SEMA3A: variants seen among roughly 807,000 people sequenced by gnomAD.
The protein encoded by SEMA3A is semaphorin 3A, also known as semaphorin-3A.
A neutral mutation model predicts 97.9 loss-of-function variants in SEMA3A; 29 were observed. That is an observed-to-expected ratio of 0.30 (90% CI 0.22 to 0.40). SEMA3A has a LOEUF of 0.40. Among genes scored for constraint, SEMA3A ranks in the 10% least tolerant of loss-of-function variants. The pLI is 1.00. For synonymous variants in SEMA3A, 321 were observed against 323.7 expected (o/e 0.99, Z 0.09); for missense variants, 763 against 951.3 (o/e 0.80, Z 2.60).
chr7:84,019,738 T>A (rs756392161), intron 6 of SEMA3A, among the ~76,000 whole-genome samples: 1 of 148,946 alleles, frequency 6.7e-6, no homozygotes, highest in Non-Finnish European at 1.5e-5. Context: ...ATAAAAAAAA[T>A]AGATTTGTAT....
chr7:84,266,721 T>G (rs940876048), intron 3 of SEMA3A, among the ~76,000 whole-genome samples: 7 of 152,128 alleles, frequency 4.6e-5, no homozygotes, highest in Non-Finnish European at 7.4e-5. Context: ...ATGAATTAGC[T>G]GAGGTTTGGA....
At chr7:84,111,197 T>C (rs2115943420) in intron 3 of SEMA3A, among the ~76,000 whole-genome samples, 2 of 152,284 alleles carry the variant, frequency 1.3e-5, no homozygotes, top group South Asian at 4.1e-4. Context: ...CTATAAACAT[T>C]TGGAATTAAG....
At chr7:84,289,505 T>TA (rs962905489) in intron 3 of SEMA3A, among the ~76,000 whole-genome samples, 1 of 151,706 alleles carries the variant, frequency 6.6e-6, no homozygotes, top group East Asian at 1.9e-4. Context: ...TTATTATCAA[T>TA]AAAAAATTAA....
chr7:84,189,960 G>C (rs1314633147), intron 1 of SEMA3A, among the ~76,000 whole-genome samples: 1 of 151,464 alleles, frequency 6.6e-6, no homozygotes, highest in Non-Finnish European at 1.5e-5. Flanking sequence ...ACTGACAATA[G>C]TAGAACTCTA....
intron 4 of SEMA3A, among the ~76,000 whole-genome samples, chr7:84,093,980 A>G (rs1794671240): frequency 6.6e-6 from 1 of 151,882 alleles, no homozygotes; most frequent in Admixed American, 6.6e-5. Context: ...ACCAAAGGCC[A>G]ATTTCTACAA....
chr7:84,165,183 G>C (rs111959904), intron 1 of SEMA3A, among the ~76,000 whole-genome samples: 6,557 of 151,802 alleles, frequency 0.043, 212 homozygotes, highest in Non-Finnish European at 0.061. Flanking sequence ...CTCCCGCCTG[G>C]GTGTCAGAGT....
intron 12 of SEMA3A, among the ~76,000 whole-genome samples, chr7:83,996,360 T>A (rs922162325): frequency 6.9e-6 from 1 of 145,716 alleles, no homozygotes; most frequent in Non-Finnish European, 1.5e-5. Context: ...TGGAGTGCAG[T>A]GGTGTGATCT....
At chr7:84,085,037 A>C (rs966253131) in intron 4 of SEMA3A, among the ~76,000 whole-genome samples, 20 of 151,972 alleles carry the variant, frequency 1.3e-4, no homozygotes, top group Admixed American at 1.1e-3. Flanking sequence ...CCTTGAACAA[A>C]ATAAGGTAGG....
intron 1 of SEMA3A, among the ~76,000 whole-genome samples, chr7:84,374,911 C>T (rs1367704733): frequency 6.6e-6 from 1 of 152,182 alleles, no homozygotes; most frequent in Admixed American, 6.5e-5. Context: ...TGTGACAGAA[C>T]CCTGTGCACT....
intron 2 of SEMA3A, among the ~76,000 whole-genome samples, chr7:84,130,438 T>C (rs1795929701): frequency 6.6e-6 from 1 of 152,124 alleles, no homozygotes; most frequent in East Asian, 1.9e-4. Flanking sequence ...AATTATTGGA[T>C]AGGCATTCAT....
At chr7:84,251,309 C>T (rs979433084) in intron 3 of SEMA3A, among the ~76,000 whole-genome samples, 2 of 152,108 alleles carry the variant, frequency 1.3e-5, no homozygotes, top group Non-Finnish European at 2.9e-5. Context: ...ATCAAGAGAG[C>T]AGCTGGGCTG....
intron 1 of SEMA3A, among the ~76,000 whole-genome samples, chr7:84,416,539 G>A (rs534712202): frequency 9.9e-5 from 15 of 152,116 alleles, no homozygotes; most frequent in Non-Finnish European, 2.1e-4. Context: ...GGGCATTTAC[G>A]AGCTCATTTT....
intron 2 of SEMA3A, among the ~76,000 whole-genome samples, chr7:84,346,015 C>T (rs955647440): frequency 2.6e-5 from 4 of 152,346 alleles, no homozygotes; most frequent in East Asian, 1.9e-4. Flanking sequence ...TTACCTTTGT[C>T]AGTGATCTTA....
intron 1 of SEMA3A, among the ~76,000 whole-genome samples, chr7:84,455,456 T>A (rs945923043): frequency 6.6e-6 from 1 of 151,986 alleles, no homozygotes; most frequent in East Asian, 1.9e-4. Flanking sequence ...GTTCAATATA[T>A]GTTTGATTAA....
chr7:84,289,669 G>A (rs941257102), intron 3 of SEMA3A, among the ~76,000 whole-genome samples: 1 of 152,084 alleles, frequency 6.6e-6, no homozygotes, highest in Non-Finnish European at 1.5e-5. Flanking sequence ...CATGTTGCTG[G>A]TGAGAATGTA....
At chr7:84,291,457 C>T (rs1330802582) in intron 3 of SEMA3A, among the ~76,000 whole-genome samples, 2 of 151,930 alleles carry the variant, frequency 1.3e-5, no homozygotes, top group Non-Finnish European at 2.9e-5. Context: ...ATTTATTTTA[C>T]TGAATTCCTT....
Position 84,110,574 on chromosome 7 carries a change from A to C in SEMA3A, c.349T>G (p.Phe117Val). ...TTATATGCCTTAAGTACCTTGATGA[A>C]ATTAGCACATTCTTTCTGTAAGACA... ...GKDILKECAN[F>V]IKVLKAYNQT... Residue 117 changes from phenylalanine (F) to valine (V), a missense_variant, in exon 4 of 17, where the codon TTC becomes GTC. Phe to Val is a conservative substitution (Grantham distance 50). Coordinates refer to ENST00000265362, the MANE Select transcript of SEMA3A (RefSeq NM_006080.3). 6.2e-7 allele frequency: 1 copy of C among 1,613,656 alleles called. No homozygotes were observed. Among genetic ancestry groups the C allele is most frequent in the Non-Finnish European group, 8.5e-7 (1 of 1,179,762 alleles).
chr7:84,340,396 T>C (rs75021682), intron 2 of SEMA3A, among the ~76,000 whole-genome samples: 2,465 of 152,254 alleles, frequency 0.016, 93 homozygotes, highest in East Asian at 0.15. Context: ...TTTATCTAGA[T>C]GGATATAGAT....
chr7:84,381,879 A>T (rs1486498120), intron 1 of SEMA3A, among the ~76,000 whole-genome samples: 1 of 152,172 alleles, frequency 6.6e-6, no homozygotes, highest in Non-Finnish European at 1.5e-5. Flanking sequence ...TGATGAAGTA[A>T]TTCATCAAGA....
Sources: gnomAD v4.1 joint callset for allele counts (sites outside exome capture counted in the v4.1 genomes callset) on GRCh38, gnomAD v4.1.1 for gene constraint, MANE v1.5 for transcripts, NCBI Gene and HGNC (gene_info 2026-07-23, HGNC 2026-07-21) for gene names.